The following DCLK2 variants were observed in gnomAD, a reference collection of about 807,000 sequenced individuals.
DCLK2 encodes doublecortin like kinase 2.
Under a neutral mutation model 78.4 loss-of-function variants are expected in DCLK2, and 31 were observed. The observed-to-expected ratio is 0.40, with a 90% confidence interval of 0.30 to 0.53. DCLK2 has a LOEUF of 0.53. Among genes scored for constraint, DCLK2 ranks in the 20% least tolerant of loss-of-function variants. The pLI is 0.61. For missense variants in DCLK2, 872 were observed against 973.7 expected (o/e 0.90, Z 1.39); for synonymous variants, 407 against 374.9 (o/e 1.09, Z -0.99).
intron 12 of DCLK2, 136 bp downstream of exon 12, chr4:150,240,612 G>C (rs906065433): frequency 1.6e-5 from 7 of 444,658 alleles, no homozygotes; most frequent in South Asian, 1.3e-4. Context: ...AACGGGGGGA[G>C]GGGGGAGGGA....
chr4:150,142,221 T>A (rs550685403), intron 2 of DCLK2, among the ~76,000 whole-genome samples: 2 of 152,184 alleles, frequency 1.3e-5, no homozygotes, highest in Admixed American at 1.3e-4. Context: ...CCTCTTTAGA[T>A]TCGCAATCAG....
chr4:150,155,232 A>C (rs1356818919), intron 2 of DCLK2, among the ~76,000 whole-genome samples: 1 of 152,246 alleles, frequency 6.6e-6, no homozygotes, highest in Non-Finnish European at 1.5e-5. Context: ...CCTTGTCTCC[A>C]AAAAGTAAAA....
intron 1 of DCLK2, among the ~76,000 whole-genome samples, chr4:150,095,586 T>A (rs1281607267): frequency 1.3e-5 from 2 of 152,198 alleles, no homozygotes; most frequent in African/African-American, 4.8e-5. Context: ...TGAACATGTG[T>A]GTGTATATAG....
intron 2 of DCLK2, among the ~76,000 whole-genome samples, chr4:150,117,370 C>T (rs1732171059): frequency 6.6e-6 from 1 of 152,118 alleles, no homozygotes; most frequent in African/African-American, 2.4e-5. Context: ...GGCCATAAGC[C>T]TTCCTTGAGG....
chr4:150,248,688 C>CA (rs1489909816), intron 14 of DCLK2, among the ~76,000 whole-genome samples: 1 of 152,102 alleles, frequency 6.6e-6, no homozygotes, highest in African/African-American at 2.4e-5. Flanking sequence ...TTTTAGCTCT[C>CA]GTCTTCTGCG....
intron 2 of DCLK2, among the ~76,000 whole-genome samples, chr4:150,185,773 A>T (rs1560845948): frequency 6.6e-6 from 1 of 152,132 alleles, no homozygotes; most frequent in Non-Finnish European, 1.5e-5. Flanking sequence ...ACGTTTTTGT[A>T]TCTTTTAATA....
At chr4:150,194,435 C>T (rs1319998888) in intron 3 of DCLK2, among the ~76,000 whole-genome samples, 1 of 152,088 alleles carries the variant, frequency 6.6e-6, no homozygotes. Flanking sequence ...AGAAAGAAAG[C>T]TATTTCTTTG....
intron 2 of DCLK2, among the ~76,000 whole-genome samples, chr4:150,103,069 A>G (rs922246592): frequency 1.3e-5 from 2 of 151,532 alleles, no homozygotes; most frequent in Admixed American, 6.6e-5. Context: ...TGGTTATTGG[A>G]AGGAAAATGT....
intron 12 of DCLK2, among the ~76,000 whole-genome samples, chr4:150,246,689 G>A (rs1743340598): frequency 6.6e-6 from 1 of 152,210 alleles, no homozygotes; most frequent in African/African-American, 2.4e-5. Flanking sequence ...TGAGGGGGCT[G>A]TGGAGGTGAG....
intron 14 of DCLK2, 101 bp downstream of exon 14, chr4:150,248,486 A>C: frequency 8.4e-6 from 8 of 948,030 alleles, no homozygotes; most frequent in African/African-American, 1.6e-5. Context: ...TATGCATCCA[A>C]GCTCCATGGT....
At chr4:150,254,817 C>T (rs1313684489) in intron 15 of DCLK2, among the ~76,000 whole-genome samples, 1 of 152,124 alleles carries the variant, frequency 6.6e-6, no homozygotes, top group East Asian at 1.9e-4. Context: ...GTAGCTAGGA[C>T]TACAGGTGCA....
intron 2 of DCLK2, among the ~76,000 whole-genome samples, chr4:150,143,916 A>G (rs1158946479): frequency 6.7e-6 from 1 of 150,194 alleles, no homozygotes; most frequent in Admixed American, 6.6e-5. Flanking sequence ...TTCTGTTTTG[A>G]GTTCCTTATA....
intron 8 of DCLK2, among the ~76,000 whole-genome samples, chr4:150,230,423 G>T (rs1258457690): frequency 6.6e-6 from 1 of 152,166 alleles, no homozygotes; most frequent in Non-Finnish European, 1.5e-5. Flanking sequence ...AGCCCCCAGG[G>T]AGAGGCGAAT....
At chr4:150,142,252 A>G (rs907429324) in intron 2 of DCLK2, among the ~76,000 whole-genome samples, 1 of 152,122 alleles carries the variant, frequency 6.6e-6, no homozygotes, top group African/African-American at 2.4e-5. Context: ...CACATCTGTC[A>G]TCATTATGTA....
intron 2 of DCLK2, among the ~76,000 whole-genome samples, chr4:150,143,317 T>A (rs901232580): frequency 6.6e-6 from 1 of 152,172 alleles, no homozygotes; most frequent in Non-Finnish European, 1.5e-5. Context: ...GTTGGTGTCA[T>A]AACTTTGCTA....
intron 2 of DCLK2, among the ~76,000 whole-genome samples, chr4:150,154,792 A>G (rs1735146088): frequency 6.6e-6 from 1 of 152,228 alleles, no homozygotes; most frequent in Non-Finnish European, 1.5e-5. Context: ...GTATAATTTT[A>G]TATGCAATAA....
Position 150,249,649 on chromosome 4 carries a change from C to G in DCLK2, c.2038C>G (p.Gln680Glu), listed in dbSNP as rs780696958. The change falls in exon 15 of 16, where the codon CAG becomes GAG. Residue 680 changes from glutamine (Q) to glutamate (E), a missense_variant. Gln to Glu is a conservative substitution (Grantham distance 29). Around this residue, in one of 3 missense-constraint regions of DCLK2, gnomAD observed 219 missense variants for 230.1 expected, o/e 0.95. Transcript: ENST00000296550. ...GCACTTTAATAATGCGCTCCCCAAA[C>G]AGAACAGCACTACCACCGGGGTCTC... is the stretch of plus-strand genomic sequence containing the variant. ...KQHFNNALPK[Q>E]NSTTTGVSVI... The G allele has an allele frequency of 6.2e-6, 10 of 1,613,764 alleles. No individual in the cohort carries two copies. The highest frequency in any genetic ancestry group is 2.2e-5 in the South Asian group (2 of 91,078).
chr4:150,171,021 A>G (rs1736489931), intron 2 of DCLK2, among the ~76,000 whole-genome samples: 2 of 152,188 alleles, frequency 1.3e-5, no homozygotes, highest in African/African-American at 4.8e-5. Context: ...ATACATTCTT[A>G]ATTTATTTGG....
At chr4:150,250,625 C>T (rs537791021) in intron 15 of DCLK2, among the ~76,000 whole-genome samples, 115 of 151,836 alleles carry the variant, frequency 7.6e-4, no homozygotes, top group African/African-American at 2.3e-3. Context: ...CACATCTGGG[C>T]CCCCCGTGAC....
Sources: gnomAD v4.1 joint callset for allele counts (sites outside exome capture counted in the v4.1 genomes callset) on GRCh38, gnomAD v4.1.1 for gene constraint, gnomAD v4.1.1 regional missense constraint, MANE v1.5 for transcripts, NCBI Gene and HGNC (gene_info 2026-07-23, HGNC 2026-07-21) for gene names.